Variants in PKHD1 observed in about 807,000 individuals in gnomAD.
PKHD1 encodes PKHD1 ciliary IPT domain containing fibrocystin/polyductin.
A neutral mutation model predicts 412.0 loss-of-function variants in PKHD1; 291 were observed. The observed-to-expected ratio is 0.71, with a 90% CI of 0.64 to 0.78. The LOEUF (loss-of-function observed/expected upper bound fraction) is 0.78, where lower values mean the gene tolerates loss of function less well. PKHD1 is among the 30% of genes least tolerant of loss of function. The probability of loss-of-function intolerance (pLI) is 0.00; values close to 1 mark genes in which losing one functional copy is unlikely to be tolerated. For synonymous variants in PKHD1, 1,777 were observed against 1,821.5 expected, an observed-to-expected ratio of 0.98 and a Z score of 0.62; for missense variants, 4,825 against 4,950.7, an observed-to-expected ratio of 0.97 and a Z score of 0.76.
chr6:51,996,068 C>A (rs1797677460), intron 35 of PKHD1, among the ~76,000 whole-genome samples: 1 of 150,964 alleles, frequency 6.6e-6, no homozygotes, highest in Non-Finnish European at 1.5e-5. Flanking sequence ...TGCAGTGGTG[C>A]AATCCTGGCT....
intron 25 of PKHD1, among the ~76,000 whole-genome samples, chr6:52,044,625 G>A (rs1252225649): frequency 6.6e-6 from 1 of 151,996 alleles, no homozygotes; most frequent in Non-Finnish European, 1.5e-5. Flanking sequence ...AAAAATAAAA[G>A]GACTTTTTAA....
intron 60 of PKHD1, among the ~76,000 whole-genome samples, chr6:51,699,393 G>C (rs12663351): frequency 6.6e-6 from 1 of 152,070 alleles, no homozygotes; most frequent in Non-Finnish European, 1.5e-5. Flanking sequence ...AATCATCCAA[G>C]TTGTTGCATG....
chr6:51,772,545 A>AT (rs1790324693), intron 55 of PKHD1, among the ~76,000 whole-genome samples, 157 bp downstream of exon 55: 1 of 151,910 alleles, frequency 6.6e-6, no homozygotes, highest in African/African-American at 2.4e-5. Flanking sequence ...TTATAGAGAT[A>AT]TTTTTTAAAT....
At chr6:51,839,429 T>C (rs1028881601) in intron 50 of PKHD1, among the ~76,000 whole-genome samples, 1 of 152,192 alleles carries the variant, frequency 6.6e-6, no homozygotes, top group Non-Finnish European at 1.5e-5. Flanking sequence ...TTGGGCCAAT[T>C]ATTGCCAACT....
At chr6:51,670,930 T>C (rs1056704140) in intron 60 of PKHD1, among the ~76,000 whole-genome samples, 1 of 152,068 alleles carries the variant, frequency 6.6e-6, no homozygotes, top group African/African-American at 2.4e-5. Context: ...GGTAGTCTGA[T>C]GGGCTTCCCT....
intron 49 of PKHD1, among the ~76,000 whole-genome samples, chr6:51,855,182 C>T (rs1014966230): frequency 6.6e-6 from 1 of 152,234 alleles, no homozygotes; most frequent in African/African-American, 2.4e-5. Context: ...CCGTGTGGCT[C>T]TCAGGTGGGC....
intron 28 of PKHD1, among the ~76,000 whole-genome samples, chr6:52,033,943 A>T (rs1803498359): frequency 1.3e-5 from 2 of 152,038 alleles, no homozygotes; most frequent in African/African-American, 4.8e-5. Context: ...AACCTGACCA[A>T]CATGGAGAAA....
At chr6:52,016,538 A>T (rs1800557979) in intron 34 of PKHD1, among the ~76,000 whole-genome samples, 1 of 151,096 alleles carries the variant, frequency 6.6e-6, no homozygotes, top group Non-Finnish European at 1.5e-5. Context: ...GGGGAGGCTG[A>T]GGCATGAGAG....
At chr6:52,086,382 A>C (rs1461235847) in intron 1 of PKHD1, among the ~76,000 whole-genome samples, 8 of 152,078 alleles carry the variant, frequency 5.3e-5, no homozygotes, top group Admixed American at 5.2e-4. Context: ...AAGTGCTGGG[A>C]TTACAGGCAT....
intron 14 of PKHD1, among the ~76,000 whole-genome samples, chr6:52,060,293 A>G (rs1266947900): frequency 6.6e-6 from 1 of 152,236 alleles, no homozygotes; most frequent in Non-Finnish European, 1.5e-5. Context: ...TTGTAGCCAC[A>G]GCACACAGCT....
At chr6:51,825,402 T>C (rs1325283265) in intron 52 of PKHD1, among the ~76,000 whole-genome samples, 1 of 152,142 alleles carries the variant, frequency 6.6e-6, no homozygotes, top group Admixed American at 6.5e-5. Flanking sequence ...TGGAACACCT[T>C]TCTTAGGCTA....
At chr6:51,714,022 G>A (rs1780951860) in intron 60 of PKHD1, among the ~76,000 whole-genome samples, 1 of 152,076 alleles carries the variant, frequency 6.6e-6, no homozygotes. Context: ...AGATATGAGG[G>A]CAAGCACTAT....
rs776141698 is a variant in PKHD1 at position 51,615,496 on chromosome 6, T to C, written c.*3585A>G. ...AATAGTATTTAATTCCTTGTGCTTATAGTTTTTTCAAAATTGGCATAGACT... is the reference window on the plus strand; with the variant it reads ...AATAGTATTTAATTCCTTGTGCTTACAGTTTTTTCAAAATTGGCATAGACT... On this transcript the variant is annotated 3_prime_UTR_variant, in exon 67 of 67. Transcript: ENST00000371117. 6.6e-6 allele frequency: 1 copy of C among 152,232 alleles called. No individual in the cohort carries two copies. Among genetic ancestry groups the C allele is most frequent in the African/African-American group, 2.4e-5 (1 of 41,472 alleles). 9.4% of individuals were successfully genotyped at this position (152,232 alleles called of 1,614,324 possible). A position where few individuals can be genotyped will look rare whatever the true frequency, so the allele number is the denominator to read the frequency against.
At chr6:51,883,784 C>T (rs890874065) in intron 45 of PKHD1, among the ~76,000 whole-genome samples, 11 of 152,008 alleles carry the variant, frequency 7.2e-5, no homozygotes, top group African/African-American at 1.4e-4. Context: ...AGCCTGTCCC[C>T]GAAAAAGCAT....
chr6:51,967,654 A>ATGTGTG (rs35495373), intron 35 of PKHD1, among the ~76,000 whole-genome samples: 15 of 147,258 alleles, frequency 1.0e-4, no homozygotes, highest in Non-Finnish European at 1.5e-4. Flanking sequence ...GTGTGTGTGT[A>ATGTGTG]TGTGTGTGTG....
chr6:51,770,511 T>C (rs1265136713), intron 55 of PKHD1, among the ~76,000 whole-genome samples: 1 of 151,908 alleles, frequency 6.6e-6, no homozygotes, highest in African/African-American at 2.4e-5. Flanking sequence ...CCAATTTTTC[T>C]ATATAGCATT....
In PKHD1 at chr6:51,755,142, A is replaced by G. The variant is rs77616858; in HGVS notation, c.8643-204T>C. ...AGTCAGTTTTCTGGCTTGAAAATGTATATGTTACAGAGACAGTGAAGATAT... is the reference window on the plus strand; with the variant it reads ...AGTCAGTTTTCTGGCTTGAAAATGTGTATGTTACAGAGACAGTGAAGATAT... On this transcript the variant is annotated intron_variant, in intron 55 of 66. Transcript: ENST00000371117. 0.013 allele frequency among the ~76,000 whole-genome samples: 1,934 copies of G among 152,270 alleles called. 35 individuals carry two copies. The highest frequency in any genetic ancestry group is 0.044 in the African/African-American group (1,832 of 41,546).
chr6:52,071,207 G>A, intron 8 of PKHD1, 137 bp from the exon 9 acceptor site: 1 of 711,590 alleles, frequency 1.4e-6, no homozygotes, highest in Non-Finnish European at 2.6e-6. Flanking sequence ...AGTATAATGA[G>A]TTCATTAGGG....
chr6:52,052,774 T>G lies in PKHD1; in HGVS notation c.2140+302A>C, dbSNP rs147830581. Among the ~76,000 whole-genome samples the G allele has an allele frequency of 7.2e-4, 109 of 152,312 alleles. 2 individuals carry two copies. The East Asian group carries it at 0.016, about 22-fold the overall frequency. ...ACCGTAATCTAATGAAGTAGGGTCC[T>G]TATTATACCCATTTTACAGATGAAG... is the stretch of plus-strand genomic sequence containing the variant. On this transcript the variant is annotated intron_variant, in intron 21 of 66. Transcript: ENST00000371117.
Sources: allele counts gnomAD v4.1 joint callset (sites outside exome capture counted in the v4.1 genomes callset), GRCh38; gene constraint gnomAD v4.1.1; transcripts MANE v1.5; gene names NCBI Gene and HGNC (gene_info 2026-07-23, HGNC 2026-07-21).